The following ZSCAN9 variants were observed in gnomAD, a reference collection of about 807,000 sequenced individuals.
ZSCAN9 encodes the protein zinc finger and SCAN domain containing 9, also known as zinc finger and SCAN domain-containing protein 9.
In ZSCAN9, 19 loss-of-function variants were observed where a neutral mutation model predicts 23.0. That is an observed-to-expected ratio of 0.83 (90% CI 0.58 to 1.21). ZSCAN9 has a LOEUF of 1.21. ZSCAN9 is among the 50% of genes most tolerant of loss of function. The pLI is 0.00. For synonymous variants in ZSCAN9, 155 were observed against 164.8 expected (o/e 0.94, Z 0.46); for missense variants, 467 against 471.5 (o/e 0.99, Z 0.09).
intron 1 of ZSCAN9, 30 bp from the exon 2 acceptor site, chr6:28,226,979 TTTC>T: frequency 1.1e-6 from 1 of 943,018 alleles, no homozygotes. Flanking sequence ...TATTATCATT[TTTC>T]TATATAAATA....
rs574114175 is a variant in ZSCAN9, at chr6:28,228,354, G to A, written c.568+517G>A. ...TAGTCCAAGATCAAGATACCATCAG[G>A]TTTGGTTTCTGGTGAGGCCTCTTCC... On this transcript the variant is annotated intron_variant, in intron 3 of 3. Transcript: ENST00000252207. 2.5e-4 allele frequency: 89 copies of A among 358,300 alleles called. 2 individuals are homozygous for A. The South Asian group carries it at 2.9e-3, about 12-fold the overall frequency. 22.2% of individuals were successfully genotyped at this position (358,300 alleles called of 1,614,324 possible).
At chr6:28,230,228 A>G in intron 3 of ZSCAN9, 1 of 979,236 alleles carries the variant, frequency 1.0e-6, no homozygotes, top group Non-Finnish European at 1.4e-6. Context: ...GTTTGATAAT[A>G]TATCTGAAAG....
At chr6:28,230,854 G>A (rs1299607656) in intron 3 of ZSCAN9, among the ~76,000 whole-genome samples, 1 of 152,152 alleles carries the variant, frequency 6.6e-6, no homozygotes, top group African/African-American at 2.4e-5. Context: ...AGACCTCATT[G>A]AGAAGGTGAG....
intron 3 of ZSCAN9, chr6:28,228,638 C>G (rs933977048): frequency 1.3e-5 from 2 of 154,498 alleles, no homozygotes; most frequent in African/African-American, 4.8e-5. Flanking sequence ...CTCAGAAAGT[C>G]ATTGTGAGTA....
intron 3 of ZSCAN9, chr6:28,228,543 C>T (rs1461825512): frequency 1.3e-5 from 2 of 155,354 alleles, no homozygotes; most frequent in East Asian, 3.8e-4. Context: ...TTCCTCAAGG[C>T]CCTATCTCCA....
At chr6:28,230,322 CT>C in intron 3 of ZSCAN9, 2 of 1,522,904 alleles carry the variant, frequency 1.3e-6, no homozygotes, top group Non-Finnish European at 1.8e-6. Context: ...ACCCAGCTCC[CT>C]TATGGATTTC....
Position 28,232,773 on chromosome 6 carries a change from G to A in ZSCAN9, c.780G>A (p.Gly260=), listed in dbSNP as rs755666663. 20 of 1,614,114 alleles carry A rather than the reference G, an allele frequency of 1.2e-5. No individual in the cohort carries two copies. The highest frequency in any genetic ancestry group is 1.7e-5 in the Non-Finnish European group (20 of 1,180,060). ...GEGQHKCDEC[G]KSFTQSSGLI... is the part of the protein sequence containing the mutation. ...GGCAACACAAATGTGATGAATGTGG[G>A]AAGAGCTTTACTCAGAGCTCAGGTC... is the stretch of plus-strand genomic sequence containing the variant. The change falls in exon 4 of 4, where the codon GGG becomes GGA. Residue 260 remains glycine, a synonymous_variant. Coordinates refer to ENST00000252207, the MANE Select transcript of ZSCAN9 (RefSeq NM_006299.5).
chr6:28,231,986 A>G (rs11967137), intron 3 of ZSCAN9, among the ~76,000 whole-genome samples: 31,974 of 152,034 alleles, frequency 0.21, 3,778 homozygotes, highest in African/African-American at 0.31. Flanking sequence ...GTAAGGGAAT[A>G]CTCCAGAGAA....
In ZSCAN9 at chr6:28,232,757, A is replaced by G. The variant is rs1299146075; in HGVS notation, c.764A>G (p.Lys255Arg). The change falls in exon 4 of 4, where the codon AAA (lysine) becomes AGA (arginine). Residue 255 changes from lysine to arginine, a missense_variant. Coordinates refer to ENST00000252207, the MANE Select transcript of ZSCAN9 (RefSeq NM_006299.5). The part of the protein sequence containing the change: ...WGNLLGEGQH[K>R]CDECGKSFTQ... ...AACCTCTTAGGAGAGGGGCAACACA[A>G]ATGTGATGAATGTGGGAAGAGCTTT... 6.2e-7 allele frequency: 1 copy of G among 1,614,224 alleles called. No individual in the cohort carries two copies. The highest frequency in any genetic ancestry group is 8.5e-7 in the Non-Finnish European group (1 of 1,180,036).
intron 3 of ZSCAN9, among the ~76,000 whole-genome samples, chr6:28,231,798 T>G (rs1410139208): frequency 6.6e-6 from 1 of 152,122 alleles, no homozygotes; most frequent in Non-Finnish European, 1.5e-5. Flanking sequence ...TGTGATTGAC[T>G]GTGGGTAGCT....
chr6:28,228,006 C>A, intron 3 of ZSCAN9, 169 bp downstream of exon 3: 2 of 819,228 alleles, frequency 2.4e-6, no homozygotes, highest in South Asian at 1.4e-5. Flanking sequence ...CTTCTCCCTG[C>A]GTGCAGACTT....
chr6:28,230,491 A>G, intron 3 of ZSCAN9: 1 of 1,535,348 alleles, frequency 6.5e-7, no homozygotes, highest in South Asian at 1.2e-5. Flanking sequence ...CCTAAGAGGT[A>G]CCTATTCTTG....
chr6:28,233,115 C>G lies in ZSCAN9; in HGVS notation c.1122C>G (p.Ser374Arg). The change falls in exon 4 of 4, where the codon AGC (serine) becomes AGG (arginine). Residue 374 changes from serine (S) to arginine (R), a missense_variant. Coordinates refer to ENST00000252207, the MANE Select transcript of ZSCAN9 (RefSeq NM_006299.5). ...ACCAGTGCATTGAATGTGGGAAAAG[C>G]TTTAATCGACACTGCAACCTCATTC... ...RPHQCIECGK[S>R]FNRHCNLIRH... 2 of 1,614,170 alleles carry G rather than the reference C, an allele frequency of 1.2e-6. No homozygotes were observed. Among genetic ancestry groups the G allele is most frequent in the Non-Finnish European group, 1.7e-6 (2 of 1,180,028 alleles).
Position 28,227,181 on chromosome 6 carries a change from C to T in ZSCAN9, c.97C>T (p.Leu33Phe), listed in dbSNP as rs901515190. The change falls in exon 2 of 4, where the codon CTT becomes TTT. Residue 33 changes from leucine (L) to phenylalanine (F), a missense_variant. Transcript: ENST00000252207. ...LTMKVEAKSH[L>F]QWQESRLKRS... ...AATGAAAGTGGAAGCAAAAAGTCAC[C>T]TTCAATGGCAGGAATCCAGACTGAA... 1.9e-6 allele frequency: 3 copies of T among 1,614,092 alleles called. No homozygotes were observed. Among genetic ancestry groups the T allele is most frequent in the African/African-American group, 2.7e-5 (2 of 74,940 alleles).
chr6:28,232,779 C>CT lies in ZSCAN9; in HGVS notation c.789dup (p.Thr264TyrfsTer20), dbSNP rs1304379902. The CT allele has an allele frequency of 6.2e-7, 1 of 1,614,096 alleles. No homozygotes were observed. The highest frequency in any genetic ancestry group is 1.3e-5 in the African/African-American group (1 of 74,928). On this transcript the variant is annotated frameshift_variant, in exon 4 of 4. Coordinates refer to ENST00000252207, the MANE Select transcript of ZSCAN9 (RefSeq NM_006299.5). LOFTEE classifies it low-confidence loss of function (END_TRUNC). ...ACAAATGTGATGAATGTGGGAAGAGCTTTACTCAGAGCTCAGGTCTCATTC... is the reference window on the plus strand; with the variant it reads ...ACAAATGTGATGAATGTGGGAAGAGCTTTTACTCAGAGCTCAGGTCTCATTC...
At chr6:28,230,431 A>G in intron 3 of ZSCAN9, 1 of 1,536,020 alleles carries the variant, frequency 6.5e-7, no homozygotes, top group Non-Finnish European at 8.7e-7. Context: ...ACCTGTTGTG[A>G]TCCCCCAGCT....
In ZSCAN9 at chr6:28,232,871, G is replaced by A. The variant is rs201453653; in HGVS notation, c.878G>A (p.Arg293Gln). Residue 293 changes from arginine to glutamine, a missense_variant, in exon 4 of 4, where the codon CGA becomes CAA. Coordinates refer to ENST00000252207, the MANE Select transcript of ZSCAN9 (RefSeq NM_006299.5). ...AATGAATGTGGGAAAGCCTTCAGTC[G>A]AAGTTCTGGTCTTTTTAATCACCGA... is the stretch of plus-strand genomic sequence containing the variant. ...ECNECGKAFS[R>Q]SSGLFNHRGI... The A allele has an allele frequency of 2.0e-5, 33 of 1,614,174 alleles. No individual in the cohort carries two copies. Among genetic ancestry groups the A allele is most frequent in the Admixed American group, 1.2e-4 (7 of 60,020 alleles).
Position 28,233,004 on chromosome 6 carries a change from G to A in ZSCAN9, c.1011G>A (p.Pro337=), listed in dbSNP as rs116586653. The A allele has an allele frequency of 1.4e-4, 226 of 1,614,164 alleles. No individual in the cohort carries two copies. Among genetic ancestry groups the A allele is most frequent in the East Asian group, 1.1e-3 (49 of 44,882 alleles). Reference sequence around the variant, plus strand: ...AGAGAATCCACAAAGGAGAAAAGCCGTATCAGTGCAGCCAGTGCAGTAAGA... The same window carrying A: ...AGAGAATCCACAAAGGAGAAAAGCCATATCAGTGCAGCCAGTGCAGTAAGA... ...QHQRIHKGEK[P]YQCSQCSKSY... Residue 337 remains proline (P), a synonymous_variant, in exon 4 of 4, where the codon CCG becomes CCA. Coordinates refer to ENST00000252207, the MANE Select transcript of ZSCAN9 (RefSeq NM_006299.5).
chr6:28,229,892 C>G (rs949561227), intron 3 of ZSCAN9, among the ~76,000 whole-genome samples: 1 of 149,400 alleles, frequency 6.7e-6, no homozygotes, highest in Non-Finnish European at 1.5e-5. Flanking sequence ...GAGTCTCGCT[C>G]TGTCGCCCAG....
Sources: allele counts gnomAD v4.1 joint callset (sites outside exome capture counted in the v4.1 genomes callset), GRCh38; gene constraint gnomAD v4.1.1; transcripts MANE v1.5; gene names NCBI Gene and HGNC (gene_info 2026-07-23, HGNC 2026-07-21).